The following FHIT variants were observed in gnomAD, a reference collection of about 807,000 sequenced individuals.
FHIT encodes the protein bis(5'-adenosyl)-triphosphatase.
A neutral mutation model predicts 17.9 loss-of-function variants in FHIT; 19 were observed. The observed-to-expected ratio is 1.06, with a 90% confidence interval of 0.74 to 1.56. The LOEUF is 1.56. FHIT is among the 40% of genes most tolerant of loss of function. The pLI, the probability that FHIT is intolerant of heterozygous loss-of-function variation, is 0.00. For missense variants in FHIT, 248 were observed against 189.2 expected (o/e 1.31, Z -1.82); for synonymous variants, 81 against 69.7 (o/e 1.16, Z -0.81).
intron 7 of FHIT, among the ~76,000 whole-genome samples, chr3:59,924,190 C>G (rs1481508187): frequency 6.6e-6 from 1 of 152,158 alleles, no homozygotes; most frequent in Non-Finnish European, 1.5e-5. Context: ...TAACGTAGAA[C>G]AAGGATACAG....
At chr3:59,830,447 A>G (rs1038559675) in intron 8 of FHIT, among the ~76,000 whole-genome samples, 2 of 152,234 alleles carry the variant, frequency 1.3e-5, no homozygotes, top group African/African-American at 4.8e-5. Context: ...ATGTATAATT[A>G]GCTCCCTGTT....
chr3:59,854,404 C>T (rs1348171159), intron 8 of FHIT, among the ~76,000 whole-genome samples: 1 of 152,136 alleles, frequency 6.6e-6, no homozygotes, highest in Non-Finnish European at 1.5e-5. Context: ...GACAGGAAGG[C>T]AAAGAGGTCA....
chr3:60,083,201 C>G (rs973546342), intron 5 of FHIT, among the ~76,000 whole-genome samples: 1 of 152,030 alleles, frequency 6.6e-6, no homozygotes, highest in Non-Finnish European at 1.5e-5. Context: ...GCTATCCCAG[C>G]AATAACAATA....
chr3:60,181,051 T>G (rs572823313), intron 5 of FHIT, among the ~76,000 whole-genome samples: 49 of 152,236 alleles, frequency 3.2e-4, no homozygotes, highest in Middle Eastern at 6.8e-3. Flanking sequence ...ATGGTACCAT[T>G]TACCAACCAG....
intron 3 of FHIT, among the ~76,000 whole-genome samples, chr3:61,001,151 A>T (rs911891872): frequency 2.0e-5 from 3 of 152,344 alleles, no homozygotes; most frequent in African/African-American, 7.2e-5. Context: ...AAAAGCAGTG[A>T]TAACATCAAA....
intron 5 of FHIT, among the ~76,000 whole-genome samples, chr3:60,279,728 A>G (rs1707339298): frequency 6.6e-6 from 1 of 152,164 alleles, no homozygotes; most frequent in South Asian, 2.1e-4. Flanking sequence ...TACAACTAGG[A>G]TTTATTTCAG....
chr3:60,135,237 G>T (rs7638262), intron 5 of FHIT, among the ~76,000 whole-genome samples: 1 of 151,984 alleles, frequency 6.6e-6, no homozygotes, highest in African/African-American at 2.4e-5. Context: ...AAATCAATTC[G>T]GCACCCAGGG....
At chr3:60,278,130 A>C (rs1707248415) in intron 5 of FHIT, among the ~76,000 whole-genome samples, 1 of 152,202 alleles carries the variant, frequency 6.6e-6, no homozygotes. Flanking sequence ...GGCTCAGTGC[A>C]GACTAGCTTG....
At chr3:60,757,119 A>T in intron 4 of FHIT, among the ~76,000 whole-genome samples, 1 of 152,252 alleles carries the variant, frequency 6.6e-6, no homozygotes, top group East Asian at 1.9e-4. Context: ...TTATTAATAT[A>T]TTTGAGATCT....
At chr3:59,896,968 T>G (rs1704099466) in intron 8 of FHIT, among the ~76,000 whole-genome samples, 1 of 152,106 alleles carries the variant, frequency 6.6e-6, no homozygotes, top group Admixed American at 6.5e-5. Context: ...GATGGTAGCA[T>G]GTAGAGTCAA....
intron 5 of FHIT, among the ~76,000 whole-genome samples, chr3:60,393,681 A>G (rs894107594): frequency 1.3e-5 from 2 of 152,202 alleles, no homozygotes; most frequent in African/African-American, 2.4e-5. Context: ...TTTTATTTAA[A>G]TAAATTGTCA....
At chr3:60,711,220 G>A (rs1407244617) in intron 4 of FHIT, among the ~76,000 whole-genome samples, 1 of 152,260 alleles carries the variant, frequency 6.6e-6, no homozygotes, top group East Asian at 1.9e-4. Flanking sequence ...GGTCCTGTCT[G>A]TTAGAAGGAA....
intron 4 of FHIT, among the ~76,000 whole-genome samples, chr3:60,688,438 G>GTT (rs575285487): frequency 1.6e-4 from 22 of 136,978 alleles, no homozygotes; most frequent in African/African-American, 4.7e-4. Flanking sequence ...TTTTTTTTTT[G>GTT]TTTTTTTTTT....
At chr3:60,794,411 T>C (rs1700902631) in intron 4 of FHIT, among the ~76,000 whole-genome samples, 1 of 148,548 alleles carries the variant, frequency 6.7e-6, no homozygotes, top group African/African-American at 2.5e-5. Context: ...GATGGATGGA[T>C]GGATGGATAC....
intron 3 of FHIT, among the ~76,000 whole-genome samples, chr3:60,862,129 G>A (rs1553752803): frequency 6.6e-6 from 1 of 152,012 alleles, no homozygotes; most frequent in East Asian, 1.9e-4. Context: ...TATAATCCCT[G>A]CCCTCATAGA....
intron 3 of FHIT, among the ~76,000 whole-genome samples, chr3:60,880,863 AAAG>A (rs1704940643): frequency 6.6e-6 from 1 of 152,204 alleles, no homozygotes; most frequent in South Asian, 2.1e-4. Flanking sequence ...ATAAGAGAAG[AAAG>A]AACAAAGGAT....
intron 8 of FHIT, among the ~76,000 whole-genome samples, chr3:59,760,859 CACTCTG>C (rs1343621198): frequency 6.6e-6 from 1 of 150,948 alleles, no homozygotes; most frequent in African/African-American, 2.5e-5. Context: ...GACAAGGTCT[CACTCTG>C]TCTGGAGTGT....
At chr3:60,494,236 G>C (rs1351362312) in intron 5 of FHIT, among the ~76,000 whole-genome samples, 2 of 152,020 alleles carry the variant, frequency 1.3e-5, no homozygotes, top group Non-Finnish European at 2.9e-5. Flanking sequence ...CTAACCCCTG[G>C]TACCACTAAT....
intron 5 of FHIT, among the ~76,000 whole-genome samples, chr3:60,219,606 A>G (rs1195530298): frequency 6.6e-6 from 1 of 152,192 alleles, no homozygotes; most frequent in Non-Finnish European, 1.5e-5. Context: ...CTGTAAGTTC[A>G]TCTGACAGAA....
Sources: allele counts gnomAD v4.1 joint callset (sites outside exome capture counted in the v4.1 genomes callset), GRCh38; gene constraint gnomAD v4.1.1; transcripts MANE v1.5; gene names NCBI Gene and HGNC (gene_info 2026-07-23, HGNC 2026-07-21).